The following TGFA variants were observed in gnomAD, a reference collection of about 807,000 sequenced individuals.
TGFA encodes protransforming growth factor alpha.
TGFA carries 12 observed loss-of-function variants against 21.7 expected under a neutral mutation model. The ratio of observed to expected loss-of-function variants is 0.55; its 90% CI spans 0.35 to 0.90. The LOEUF is 0.90. Among genes scored for constraint, TGFA ranks in the 40% least tolerant of loss-of-function variants. The pLI is 0.01. For missense variants in TGFA, 178 were observed against 210.8 expected (o/e 0.84, Z 0.96); for synonymous variants, 79 against 88.1 (o/e 0.90, Z 0.58).
chr2:70,454,036 G>T (rs1298974004), intron 4 of TGFA, among the ~76,000 whole-genome samples: 5 of 150,944 alleles, frequency 3.3e-5, no homozygotes, highest in Non-Finnish European at 7.4e-5. Context: ...GAACAGAAAA[G>T]AAAGCACTGA....
chr2:70,449,832 G>A lies in TGFA; in HGVS notation c.*1027C>T, dbSNP rs1356782204. 1 of 178,132 alleles carries A rather than the reference G, an allele frequency of 5.6e-6. No homozygotes were observed. The highest frequency in any genetic ancestry group is 1.2e-5 in the Non-Finnish European group (1 of 83,180). The allele number at this position is 178,132 out of a possible 1,614,324, so 11.0% of individuals were successfully genotyped here. On this transcript the variant is annotated 3_prime_UTR_variant, in exon 6 of 6. Transcript: ENST00000295400. ...TTCTATTTCTAAACATACTTACCGA[G>A]GGCTCACGAGGAAGTGAACCCATTT...
chr2:70,478,632 C>A (rs1285406429), intron 2 of TGFA, among the ~76,000 whole-genome samples: 1 of 152,148 alleles, frequency 6.6e-6, no homozygotes, highest in African/African-American at 2.4e-5. Flanking sequence ...TTTATAACAG[C>A]CCCCACAAGG....
At chr2:70,526,292 T>C (rs1553502987) in intron 1 of TGFA, among the ~76,000 whole-genome samples, 1 of 152,148 alleles carries the variant, frequency 6.6e-6, no homozygotes. Flanking sequence ...GACTGACAAG[T>C]CACAAAACCC....
Position 70,504,475 on chromosome 2 carries a change from T to TATATATATATATATATAC in TGFA, c.94+10383_94+10384insGTATATATATATATATAT, listed in dbSNP as rs1559124137. On this transcript the variant is annotated intron_variant, in intron 2 of 5. Transcript: ENST00000295400. ...ATATATATATATATACACACATACATACATACATACACACACACACACACA... is the reference window on the plus strand; with the variant it reads ...ATATATATATATATACACACATACATATATATATATATATATACACATACATACACACACACACACACA... Among the ~76,000 whole-genome samples the TATATATATATATATATAC allele has an allele frequency of 5.8e-4, 49 of 83,818 alleles. 1 individual carries two copies. Among genetic ancestry groups the TATATATATATATATATAC allele is most frequent in the Admixed American group, 1.1e-4 (1 of 8,812 alleles). The allele number at this position is 83,818 out of a possible 152,430, so 55.0% of individuals were successfully genotyped here. A position where few individuals can be genotyped will look rare whatever the true frequency, so the allele number is the denominator to read the frequency against.
chr2:70,475,300 C>T (rs1487024492), intron 2 of TGFA, among the ~76,000 whole-genome samples: 1 of 152,142 alleles, frequency 6.6e-6, no homozygotes, highest in African/African-American at 2.4e-5. Context: ...CTATGCCCAG[C>T]ATTTTATAGA....
intron 2 of TGFA, among the ~76,000 whole-genome samples, chr2:70,506,497 C>A (rs1353879515): frequency 6.6e-6 from 1 of 152,160 alleles, no homozygotes; most frequent in African/African-American, 2.4e-5. Context: ...GTTACGCACA[C>A]TGAAATGTAA....
chr2:70,512,602 C>T (rs1398231873), intron 2 of TGFA, among the ~76,000 whole-genome samples: 1 of 152,206 alleles, frequency 6.6e-6, no homozygotes, highest in Non-Finnish European at 1.5e-5. Flanking sequence ...AAAGATGGAA[C>T]AGAGGTTGTT....
chr2:70,510,735 T>C (rs1424167459), intron 2 of TGFA, among the ~76,000 whole-genome samples: 2 of 152,156 alleles, frequency 1.3e-5, no homozygotes, highest in Admixed American at 1.3e-4. Flanking sequence ...CTGCCCTTTA[T>C]ATTTGGGGAT....
At chr2:70,473,645 C>T (rs1300733681) in intron 2 of TGFA, among the ~76,000 whole-genome samples, 1 of 148,960 alleles carries the variant, frequency 6.7e-6, no homozygotes, top group African/African-American at 2.5e-5. Flanking sequence ...TCAAGTGTTA[C>T]CAACTAATGA....
chr2:70,477,366 A>G (rs1553494638), intron 2 of TGFA, among the ~76,000 whole-genome samples: 2 of 152,226 alleles, frequency 1.3e-5, no homozygotes, highest in Non-Finnish European at 2.9e-5. Flanking sequence ...AAAATCCCAA[A>G]AGAGTACAGC....
At chr2:70,521,098 A>T (rs1672441993) in intron 1 of TGFA, among the ~76,000 whole-genome samples, 1 of 130,130 alleles carries the variant, frequency 7.7e-6, no homozygotes, top group African/African-American at 3.9e-5. Context: ...CCAACAGCTT[A>T]AAAAAAAAAA....
chr2:70,530,571 C>CTGGGCCACAGGCGGCCCA (rs56741563), intron 1 of TGFA, among the ~76,000 whole-genome samples: 5 of 152,348 alleles, frequency 3.3e-5, no homozygotes, highest in African/African-American at 1.2e-4. Context: ...CAAAGCCCTC[C>CTGGGCCACAGGCGGCCCA]TGGGCCACAG....
intron 1 of TGFA, chr2:70,553,497 CA>C (rs1173983499): frequency 3.7e-5 from 52 of 1,394,250 alleles, no homozygotes; most frequent in Middle Eastern, 2.5e-4. Flanking sequence ...TGTTCTCACG[CA>C]CGGCCCAGGC....
chr2:70,532,695 T>A (rs1672848685), intron 1 of TGFA, among the ~76,000 whole-genome samples: 1 of 152,168 alleles, frequency 6.6e-6, no homozygotes, highest in Non-Finnish European at 1.5e-5. Context: ...CATCCTCTCT[T>A]AGCCCATCCC....
At position 70,544,234 on chromosome 2, in the gene TGFA, G is replaced by T. The variant is rs185950313; in HGVS notation, c.40+9494C>A. ...CATGAAAAATACAAGGATATCTACT[G>T]CCTTTTAAGAAACCATGCTCTTAAA... On this transcript the variant is annotated intron_variant, in intron 1 of 5. Transcript: ENST00000295400. Among the ~76,000 whole-genome samples the T allele has an allele frequency of 1.3e-3, 193 of 152,020 alleles. 1 individual carries two copies. The highest frequency in any genetic ancestry group is 2.1e-3 in the Non-Finnish European group (145 of 67,970).
At chr2:70,537,914 A>G (rs2103923451) in intron 1 of TGFA, among the ~76,000 whole-genome samples, 1 of 152,362 alleles carries the variant, frequency 6.6e-6, no homozygotes, top group Non-Finnish European at 1.5e-5. Context: ...GATGCCATCT[A>G]GGATGTTTGT....
intron 4 of TGFA, 61 bp downstream of exon 4, chr2:70,456,278 C>CGGATG: frequency 6.6e-7 from 1 of 1,507,854 alleles, no homozygotes; most frequent in Non-Finnish European, 8.9e-7. Context: ...GGATATACTG[C>CGGATG]GGATGTCCCT....
At chr2:70,502,336 GTTTGTT>G (rs372629026) in intron 2 of TGFA, among the ~76,000 whole-genome samples, 383 of 152,226 alleles carry the variant, frequency 2.5e-3, no homozygotes, top group African/African-American at 8.4e-3. Flanking sequence ...GTTTTTGTTT[GTTTGTT>G]TTTGTTTTTG....
At chr2:70,520,219 G>T (rs550756323) in intron 1 of TGFA, among the ~76,000 whole-genome samples, 1 of 152,288 alleles carries the variant, frequency 6.6e-6, no homozygotes, top group Admixed American at 6.5e-5. Flanking sequence ...GAACTTCAAC[G>T]AAGGGTTTTA....
Sources: gnomAD v4.1 joint callset for allele counts (sites outside exome capture counted in the v4.1 genomes callset) on GRCh38, gnomAD v4.1.1 for gene constraint, MANE v1.5 for transcripts, NCBI Gene and HGNC (gene_info 2026-07-23, HGNC 2026-07-21) for gene names.